PMFBP1: variants seen among roughly 807,000 people sequenced by gnomAD.
The protein encoded by PMFBP1 is polyamine-modulated factor 1-binding protein 1.
PMFBP1 carries 131 observed loss-of-function variants against 137.8 expected under a neutral mutation model. The observed-to-expected ratio is 0.95, with a 90% CI of 0.82 to 1.10. The LOEUF is 1.10. Ranked by LOEUF, PMFBP1 falls within the 50% of genes least tolerant of loss-of-function variation. The pLI, the probability that PMFBP1 is intolerant of heterozygous loss-of-function variation, is 0.00. For synonymous variants in PMFBP1, 490 were observed against 450.4 expected, an observed-to-expected ratio of 1.09 and a Z score of -1.11; for missense variants, 1,199 against 1,175.4, an observed-to-expected ratio of 1.02 and a Z score of -0.29.
At chr16:72,224,302 T>A in the PMFBP1 span, among the ~76,000 whole-genome samples, 1 of 152,162 alleles carries the variant, frequency 6.6e-6, no homozygotes, top group African/African-American at 2.4e-5. Flanking sequence ...CGAGAGCCTC[T>A]TCCTGAGTTT....
chr16:72,123,307 C>T (rs908495941), intron 18 of PMFBP1, among the ~76,000 whole-genome samples: 1 of 152,282 alleles, frequency 6.6e-6, no homozygotes, highest in Non-Finnish European at 1.5e-5. Context: ...TTCTTGCTGC[C>T]GAGCAAAGCA....
the PMFBP1 span, among the ~76,000 whole-genome samples, chr16:72,213,570 G>C: frequency 5.9e-5 from 9 of 152,182 alleles, 1 homozygote. Flanking sequence ...GTTGAACTTT[G>C]AGAGGACTAC....
Position 72,136,612 on chromosome 16 carries a change from T to C in PMFBP1, c.1046-7A>G, listed in dbSNP as rs2144322865. 1.9e-6 allele frequency: 3 copies of C among 1,614,010 alleles called. No homozygotes were observed. Among genetic ancestry groups the C allele is most frequent in the Non-Finnish European group, 2.5e-6 (3 of 1,179,978 alleles). On this transcript the variant is annotated splice_polypyrimidine_tract_variant and splice_region_variant and intron_variant, in intron 8 of 20. Transcript: ENST00000237353. ...AGCTCCAGCTTCATCATGTCTACCA[T>C]GGGGCGGGACAGAGTCTATGCTCAG...
At position 72,120,096 on chromosome 16, in the gene PMFBP1, G is replaced by A. The variant is rs761029232; in HGVS notation, c.2769-7C>T. 4 of 1,614,182 alleles carry A rather than the reference G, an allele frequency of 2.5e-6. No homozygotes were observed. The highest frequency in any genetic ancestry group is 3.4e-6 in the Non-Finnish European group (4 of 1,180,044). On this transcript the variant is annotated splice_region_variant and splice_polypyrimidine_tract_variant and intron_variant, in intron 19 of 20. Transcript: ENST00000237353. ...CATTACACTGTGGAGGTGGCTGTGG[G>A]AAGGAGAGGAAGGACGGGTTGTGTT... is the stretch of plus-strand genomic sequence containing the variant.
chr16:72,122,057 C>T (rs761567841), intron 19 of PMFBP1, among the ~76,000 whole-genome samples: 7 of 152,174 alleles, frequency 4.6e-5, no homozygotes, highest in Admixed American at 2.6e-4. Flanking sequence ...CCACCCTCCA[C>T]CCTCTGACAG....
chr16:72,131,957 C>T (rs7188058), intron 10 of PMFBP1, among the ~76,000 whole-genome samples: 43,597 of 151,984 alleles, frequency 0.29, 6,598 homozygotes, highest in South Asian at 0.41. Context: ...GTGATCCTCC[C>T]ACCTCAGCCT....
At chr16:72,159,077 C>G (rs1165888151) in intron 3 of PMFBP1, among the ~76,000 whole-genome samples, 1 of 152,114 alleles carries the variant, frequency 6.6e-6, no homozygotes, top group Non-Finnish European at 1.5e-5. Context: ...TGTGTATGAC[C>G]CTGCTGAAAA....
chr16:72,242,247 G>A, the PMFBP1 span, among the ~76,000 whole-genome samples: 38 of 152,212 alleles, frequency 2.5e-4, no homozygotes, highest in Non-Finnish European at 4.7e-4. Context: ...GCGCATTAGC[G>A]CACTAGATTA....
At chr16:72,175,289 T>G (rs1389996606), upstream of PMFBP1, among the ~76,000 whole-genome samples, 2 of 152,174 alleles carry the variant, frequency 1.3e-5, no homozygotes, top group Admixed American at 6.5e-5. Flanking sequence ...CTTTCCTAAC[T>G]CAAACAGTCT....
the PMFBP1 span, among the ~76,000 whole-genome samples, chr16:72,183,347 G>A: frequency 6.6e-6 from 1 of 152,206 alleles, no homozygotes; most frequent in Non-Finnish European, 1.5e-5. Flanking sequence ...CCAAGATCAA[G>A]GTGTTGGTGG....
chr16:72,122,164 C>T (rs8061459), intron 19 of PMFBP1, among the ~76,000 whole-genome samples: 49,750 of 152,026 alleles, frequency 0.33, 9,386 homozygotes, highest in African/African-American at 0.52. Context: ...TTTTCTATTC[C>T]TGTGTCAGTT....
At chr16:72,142,581 C>T (rs2042739946) in intron 5 of PMFBP1, among the ~76,000 whole-genome samples, 1 of 152,156 alleles carries the variant, frequency 6.6e-6, no homozygotes, top group Admixed American at 6.5e-5. Flanking sequence ...TTTGTATATC[C>T]AGCCAAACTA....
Position 72,162,410 on chromosome 16 carries a change from A to T in PMFBP1, c.165+2354T>A, listed in dbSNP as rs189102049. On this transcript the variant is annotated intron_variant, in intron 3 of 20. Transcript: ENST00000237353. ...CCCCTTCCCTGCCACTCCTTTTGTT[A>T]TACATAACAGCTAATGTAACATTTT... Among the ~76,000 whole-genome samples, 236 of 152,290 alleles carry T rather than the reference A, an allele frequency of 1.5e-3. 1 individual carries two copies. The highest frequency in any genetic ancestry group is 2.8e-3 in the Non-Finnish European group (188 of 68,028).
the PMFBP1 span, among the ~76,000 whole-genome samples, chr16:72,219,386 T>G: frequency 1.3e-5 from 2 of 152,106 alleles, no homozygotes; most frequent in Non-Finnish European, 2.9e-5. Flanking sequence ...GAGATGGGTC[T>G]GAAGCAGGAC....
At chr16:72,170,145 C>A (rs1012257676) in intron 2 of PMFBP1, among the ~76,000 whole-genome samples, 2 of 151,780 alleles carry the variant, frequency 1.3e-5, no homozygotes, top group African/African-American at 2.4e-5. Flanking sequence ...GCTCCTAGAA[C>A]AATGAACGCC....
intron 3 of PMFBP1, among the ~76,000 whole-genome samples, chr16:72,155,408 A>T (rs1156981039): frequency 6.6e-6 from 1 of 152,120 alleles, no homozygotes. Context: ...AGTACCACAG[A>T]CTTTGCTAGC....
the PMFBP1 span, among the ~76,000 whole-genome samples, chr16:72,212,001 A>C: frequency 2.0e-5 from 3 of 152,138 alleles, no homozygotes; most frequent in Non-Finnish European, 2.9e-5. Context: ...TGTATCAAAA[A>C]ATTTTTTTTT....
At chr16:72,214,233 C>T in the PMFBP1 span, among the ~76,000 whole-genome samples, 11,114 of 151,736 alleles carry the variant, frequency 0.073, 1,344 homozygotes, top group African/African-American at 0.25. Context: ...CTTGCTCCAT[C>T]GCCCAGGCTG....
intron 2 of PMFBP1, among the ~76,000 whole-genome samples, chr16:72,168,424 T>C (rs1361320293): frequency 2.0e-5 from 3 of 152,230 alleles, no homozygotes; most frequent in Non-Finnish European, 4.4e-5. Context: ...GCACAGATAT[T>C]AGCTGTAAAC....
Sources: allele counts gnomAD v4.1 joint callset (sites outside exome capture counted in the v4.1 genomes callset), GRCh38; gene constraint gnomAD v4.1.1; transcripts MANE v1.5; gene names NCBI Gene and HGNC (gene_info 2026-07-23, HGNC 2026-07-21).